The following RBFOX1 variants were observed in gnomAD, a reference collection of about 807,000 sequenced individuals.
The protein encoded by RBFOX1 is RNA binding fox-1 homolog 1.
Under a neutral mutation model 57.7 loss-of-function variants are expected in RBFOX1, and 8 were observed. The observed-to-expected ratio is 0.14, with a 90% CI of 0.08 to 0.25. The LOEUF is 0.25. Among genes scored for constraint, RBFOX1 ranks in the 10% least tolerant of loss-of-function variants. The probability of loss-of-function intolerance (pLI) is 1.00; values close to 1 mark genes in which losing one functional copy is unlikely to be tolerated. For synonymous variants in RBFOX1, 326 were observed against 222.4 expected (o/e 1.47, Z -4.15); for missense variants, 611 against 548.5 (o/e 1.11, Z -1.14).
chr16:5,447,413 C>T (rs897063699), intron 1 of RBFOX1, among the ~76,000 whole-genome samples: 4 of 83,324 alleles, frequency 4.8e-5, no homozygotes, highest in East Asian at 7.5e-4. Context: ...TCTCTCTCGA[C>T]GCAGTCTTGC....
At chr16:6,460,963 A>G (rs1344803265) in intron 2 of RBFOX1, among the ~76,000 whole-genome samples, 1 of 152,170 alleles carries the variant, frequency 6.6e-6, no homozygotes, top group Non-Finnish European at 1.5e-5. Context: ...AAGGTCATGG[A>G]TGAAACTGGA....
intron 1 of RBFOX1, among the ~76,000 whole-genome samples, chr16:5,290,843 C>T (rs1425497719): frequency 6.6e-6 from 1 of 152,032 alleles, no homozygotes; most frequent in Non-Finnish European, 1.5e-5. Flanking sequence ...GGATTACAGG[C>T]ACCCACCACC....
In RBFOX1 at chr16:7,504,731, ATATATATATATATATATATATATT is replaced by A. The variant is rs2072309886; in HGVS notation, c.28-13400_28-13377del. Among the ~76,000 whole-genome samples, 8 of 7,274 alleles carry A rather than the reference ATATATATATATATATATATATATT, an allele frequency of 1.1e-3. No homozygotes were observed. In the South Asian group the frequency reaches 0.018, roughly 16 times the overall value. The allele number at this position is 7,274 out of a possible 152,430, so 4.8% of individuals were successfully genotyped here. The stretch of plus-strand genomic sequence containing the variant: ...AGATTATATATATATATATATATAT[ATATATATATATATATATATATATT>A]TATATATATATATATTTATATATAT... On this transcript the variant is annotated intron_variant, in intron 4 of 15. Transcript: ENST00000550418.
rs139586748 is a variant in RBFOX1, at chr16:6,538,071, T to A, written c.-63-116532T>A. Among the ~76,000 whole-genome samples, 482 of 151,948 alleles carry A rather than the reference T, an allele frequency of 3.2e-3. 10 individuals carry two copies. In the East Asian group the frequency reaches 0.055, roughly 17 times the overall value. On this transcript the variant is annotated intron_variant, in intron 2 of 15. Transcript: ENST00000550418. Reference sequence around the variant, plus strand: ...TAAAATACAGATACATAATATAAAATTATATAAATATAAAATTATGTGAAT... The same window carrying A: ...TAAAATACAGATACATAATATAAAAATATATAAATATAAAATTATGTGAAT...
intron 1 of RBFOX1, among the ~76,000 whole-genome samples, chr16:5,355,674 C>A (rs1255323624): frequency 1.3e-5 from 2 of 152,136 alleles, no homozygotes; most frequent in African/African-American, 2.4e-5. Context: ...CAAGTCCTAA[C>A]CCCTGGTAAC....
intron 2 of RBFOX1, among the ~76,000 whole-genome samples, chr16:5,590,053 AC>A (rs2046955659): frequency 7.0e-6 from 1 of 142,596 alleles, no homozygotes; most frequent in African/African-American, 2.7e-5. Flanking sequence ...TGTTACACAC[AC>A]ACACACACAC....
intron 3 of RBFOX1, among the ~76,000 whole-genome samples, chr16:5,623,829 C>G (rs1169700873): frequency 2.0e-5 from 3 of 152,124 alleles, no homozygotes; most frequent in Non-Finnish European, 4.4e-5. Context: ...TTTATAAAGG[C>G]TTTTGGAAAA....
rs190075617 is a variant in RBFOX1, at chr16:7,678,995, A to C, written c.995+2157A>C. Among the ~76,000 whole-genome samples the C allele has an allele frequency of 9.8e-5, 15 of 152,318 alleles. No homozygotes were observed. In the East Asian group the frequency reaches 2.5e-3, roughly 25 times the overall value. On this transcript the variant is annotated intron_variant, in intron 14 of 15. Coordinates refer to ENST00000550418, the MANE Select transcript of RBFOX1 (RefSeq NM_018723.4). ...TGTTGTTCATTAGAGAAATTTGCAC[A>C]TTTGGTCTTCTTGGTTGCTGTGGAA...
At chr16:7,298,380 C>T (rs2095950068) in intron 4 of RBFOX1, among the ~76,000 whole-genome samples, 1 of 151,184 alleles carries the variant, frequency 6.6e-6, no homozygotes, top group African/African-American at 2.4e-5. Context: ...CCTCCGCCTC[C>T]TGGGTTCAAG....
At chr16:7,385,648 G>A (rs1217086641) in intron 4 of RBFOX1, among the ~76,000 whole-genome samples, 9 of 152,172 alleles carry the variant, frequency 5.9e-5, no homozygotes. Flanking sequence ...TTCAAAACCT[G>A]TACCTGGTTT....
chr16:5,931,532 C>T (rs993656914), intron 4 of RBFOX1, among the ~76,000 whole-genome samples: 1 of 152,156 alleles, frequency 6.6e-6, no homozygotes, highest in Non-Finnish European at 1.5e-5. Flanking sequence ...GCATGCTCAA[C>T]CACATTCTGA....
At position 6,089,662 on chromosome 16, in the gene RBFOX1, G is replaced by A. The variant is rs150266297; in HGVS notation, c.-127+69670G>A. 1.4e-3 allele frequency among the ~76,000 whole-genome samples: 207 copies of A among 152,284 alleles called. 1 individual carries two copies. The highest frequency in any genetic ancestry group is 4.4e-3 in the African/African-American group (181 of 41,564). Reference sequence around the variant, plus strand: ...ATTTAGTTGGTGGTTACCTGAGTACGGGGTCAGGTGTATGTTCTTAGCTGG... The same window carrying A: ...ATTTAGTTGGTGGTTACCTGAGTACAGGGTCAGGTGTATGTTCTTAGCTGG... On this transcript the variant is annotated intron_variant, in intron 1 of 15. Transcript: ENST00000550418.
intron 3 of RBFOX1, among the ~76,000 whole-genome samples, chr16:5,809,446 G>T (rs1243906553): frequency 1.9e-5 from 2 of 105,164 alleles, no homozygotes; most frequent in Admixed American, 9.6e-5. Context: ...CTAATATCCA[G>T]AATCTAAAAT....
chr16:6,634,398 A>G (rs1044540157), intron 2 of RBFOX1, among the ~76,000 whole-genome samples: 1 of 151,934 alleles, frequency 6.6e-6, no homozygotes, highest in Non-Finnish European at 1.5e-5. Flanking sequence ...CTCCGTGAGT[A>G]TGTTTACTCT....
At chr16:6,952,133 T>C (rs2080895065) in intron 3 of RBFOX1, among the ~76,000 whole-genome samples, 2 of 152,170 alleles carry the variant, frequency 1.3e-5, no homozygotes, top group Admixed American at 1.3e-4. Flanking sequence ...TCCCCACAAG[T>C]GCTTCGCAGA....
chr16:7,304,193 G>GGAGA, intron 4 of RBFOX1: 2 of 967,416 alleles, frequency 2.1e-6, no homozygotes, highest in Non-Finnish European at 2.4e-6. Context: ...GGAAAGAGGG[G>GGAGA]GAGAGAGACA....
Position 6,523,479 on chromosome 16 carries a change from A to C in RBFOX1, c.-63-131124A>C, listed in dbSNP as rs377150888. On this transcript the variant is annotated intron_variant, in intron 2 of 15. Coordinates refer to ENST00000550418, the MANE Select transcript of RBFOX1 (RefSeq NM_018723.4). ...AGTGAAGAACTCTGAAGGCAGCTCC[A>C]GTCTTTCAGTGGGGTGTGCCCATAC... is the stretch of plus-strand genomic sequence containing the variant. Among the ~76,000 whole-genome samples the C allele has an allele frequency of 8.5e-5, 13 of 152,284 alleles. No homozygotes were observed. In the East Asian group the frequency reaches 2.3e-3, roughly 27 times the overall value.
intron 3 of RBFOX1, among the ~76,000 whole-genome samples, chr16:6,972,501 G>C (rs1248777011): frequency 6.6e-6 from 1 of 152,116 alleles, no homozygotes; most frequent in South Asian, 2.1e-4. Context: ...GTGGACATTT[G>C]GGTTGCCGCC....
chr16:5,343,909 G>C (rs2065086334), intron 1 of RBFOX1, among the ~76,000 whole-genome samples: 1 of 152,126 alleles, frequency 6.6e-6, no homozygotes, highest in Non-Finnish European at 1.5e-5. Context: ...GTGGATTTCT[G>C]GTATAAATGT....
Sources: allele counts gnomAD v4.1 joint callset (sites outside exome capture counted in the v4.1 genomes callset), GRCh38; gene constraint gnomAD v4.1.1; transcripts MANE v1.5; gene names NCBI Gene and HGNC (gene_info 2026-07-23, HGNC 2026-07-21).